HIPK2: variants seen among roughly 807,000 people sequenced by gnomAD.
HIPK2 encodes the protein homeodomain-interacting protein kinase 2.
A neutral mutation model predicts 113.7 loss-of-function variants in HIPK2; 27 were observed. The observed-to-expected ratio is 0.24, with a 90% CI of 0.17 to 0.33. HIPK2 has a LOEUF of 0.33. Among genes scored for constraint, HIPK2 ranks in the 10% least tolerant of loss-of-function variants. HIPK2 has a pLI of 1.00. For missense variants in HIPK2, 1,257 were observed against 1,588.0 expected (o/e 0.79, Z 3.54); for synonymous variants, 631 against 642.2 (o/e 0.98, Z 0.26).
chr7:139,671,126 C>G (rs1486538053), intron 2 of HIPK2, among the ~76,000 whole-genome samples: 1 of 152,110 alleles, frequency 6.6e-6, no homozygotes, highest in Non-Finnish European at 1.5e-5. Context: ...AAAAATAACA[C>G]TTTAAAACTC....
At chr7:139,745,472 C>T (rs576872891) in intron 1 of HIPK2, among the ~76,000 whole-genome samples, 2 of 152,150 alleles carry the variant, frequency 1.3e-5, no homozygotes, top group Admixed American at 6.5e-5. Context: ...AAGCTGAAGC[C>T]GGATTATTTC....
At chr7:139,734,399 T>C (rs1300912027) in intron 1 of HIPK2, among the ~76,000 whole-genome samples, 1 of 152,166 alleles carries the variant, frequency 6.6e-6, no homozygotes, top group African/African-American at 2.4e-5. Flanking sequence ...CGCAAATCAC[T>C]CTCTGGTGAC....
intron 7 of HIPK2, among the ~76,000 whole-genome samples, chr7:139,615,195 G>A (rs899243450): frequency 1.3e-5 from 2 of 152,246 alleles, no homozygotes; most frequent in African/African-American, 4.8e-5. Context: ...GAGCAGGGCC[G>A]AGGAGGGGCT....
At chr7:139,650,809 C>G (rs944925233) in intron 2 of HIPK2, among the ~76,000 whole-genome samples, 2 of 152,236 alleles carry the variant, frequency 1.3e-5, no homozygotes, top group Non-Finnish European at 2.9e-5. Flanking sequence ...CTCTGGCCAA[C>G]AGCCAGCTCT....
chr7:139,729,229 G>A (rs898351491), intron 1 of HIPK2, among the ~76,000 whole-genome samples: 1 of 152,020 alleles, frequency 6.6e-6, no homozygotes. Flanking sequence ...GGAGGCTGAG[G>A]TGGGAGGATC....
At chr7:139,582,708 A>T (rs1163113046) in intron 13 of HIPK2, among the ~76,000 whole-genome samples, 1 of 152,220 alleles carries the variant, frequency 6.6e-6, no homozygotes. Flanking sequence ...GGCTGTCACC[A>T]TCTCCCCTTT....
intron 2 of HIPK2, among the ~76,000 whole-genome samples, chr7:139,684,921 C>T (rs1157770720): frequency 6.6e-6 from 1 of 152,220 alleles, no homozygotes; most frequent in Non-Finnish European, 1.5e-5. Flanking sequence ...AGCCACAACA[C>T]TCCCTTCAGC....
intron 2 of HIPK2, among the ~76,000 whole-genome samples, chr7:139,685,180 T>C (rs761044200): frequency 6.6e-6 from 1 of 152,190 alleles, no homozygotes; most frequent in Non-Finnish European, 1.5e-5. Flanking sequence ...CAGATTTTCT[T>C]TTTTGTTTGA....
At position 139,613,461 on chromosome 7, in the gene HIPK2, G is replaced by A; in HGVS notation, c.1991-138C>T. The A allele has an allele frequency of 9.9e-7, 1 of 1,005,556 alleles. No homozygotes were observed. Among genetic ancestry groups the A allele is most frequent in the Non-Finnish European group, 1.4e-6 (1 of 706,636 alleles). 62.3% of individuals were successfully genotyped at this position (1,005,556 alleles called of 1,614,324 possible). On this transcript the variant is annotated intron_variant, in intron 8 of 14. Coordinates refer to ENST00000406875, the MANE Select transcript of HIPK2 (RefSeq NM_022740.5). This position sits in a 1 kb window ranked among gnomAD's most constrained non-coding sequence, Gnocchi z 4.2. ...CACTGACAACAACCAGGTATTGCCTGGTCCTTGGAAGTCTCCCCTTTGGCT... is the reference window on the plus strand; with the variant it reads ...CACTGACAACAACCAGGTATTGCCTAGTCCTTGGAAGTCTCCCCTTTGGCT...
chr7:139,632,070 A>T (rs1234686118), intron 2 of HIPK2, among the ~76,000 whole-genome samples: 1 of 152,252 alleles, frequency 6.6e-6, no homozygotes, highest in Non-Finnish European at 1.5e-5. Context: ...TTTGTAGCTG[A>T]AAGTCTGGGA....
chr7:139,622,184 G>A (rs1300465281), intron 6 of HIPK2, among the ~76,000 whole-genome samples: 3 of 152,138 alleles, frequency 2.0e-5, no homozygotes, highest in Middle Eastern at 3.2e-3. Context: ...ACTGAGACGC[G>A]ACTTAGAGAG....
chr7:139,704,562 C>G (rs950540341), intron 2 of HIPK2, among the ~76,000 whole-genome samples: 157 of 151,828 alleles, frequency 1.0e-3, no homozygotes, highest in African/African-American at 3.6e-3. Flanking sequence ...CATATACATA[C>G]CCCATGTGAA....
chr7:139,595,733 T>A (rs1046188145), intron 12 of HIPK2, among the ~76,000 whole-genome samples: 3 of 152,220 alleles, frequency 2.0e-5, no homozygotes, highest in African/African-American at 7.2e-5. Context: ...TTTTCATCAG[T>A]CTATCTATAC....
intron 2 of HIPK2, among the ~76,000 whole-genome samples, chr7:139,679,166 C>T (rs28508100): frequency 0.018 from 2,811 of 152,186 alleles, 77 homozygotes; most frequent in African/African-American, 0.062. Context: ...TTTCTCTTGC[C>T]GGATTGCCCT....
intron 2 of HIPK2, among the ~76,000 whole-genome samples, chr7:139,689,868 G>C (rs73733185): frequency 0.024 from 3,620 of 152,224 alleles, 150 homozygotes; most frequent in African/African-American, 0.083. Flanking sequence ...ACAGGAGAGC[G>C]GCAGAGCTTC....
At chr7:139,724,515 G>A (rs901769938) in intron 1 of HIPK2, among the ~76,000 whole-genome samples, 1 of 152,048 alleles carries the variant, frequency 6.6e-6, no homozygotes, top group Non-Finnish European at 1.5e-5. Context: ...TCAACCACAA[G>A]CTCTACAGAA....
At chr7:139,686,568 AG>A (rs911657396) in intron 2 of HIPK2, among the ~76,000 whole-genome samples, 8 of 152,212 alleles carry the variant, frequency 5.3e-5, no homozygotes, top group Non-Finnish European at 1.0e-4. Flanking sequence ...TGGTTTTATA[AG>A]GGGCTTTCCT....
intron 12 of HIPK2, among the ~76,000 whole-genome samples, chr7:139,592,170 GTAAC>G (rs1799049928): frequency 6.6e-6 from 1 of 152,166 alleles, no homozygotes; most frequent in African/African-American, 2.4e-5. Flanking sequence ...AGTGAGCTAA[GTAAC>G]TGTTTTTATA....
intron 2 of HIPK2, among the ~76,000 whole-genome samples, chr7:139,658,541 T>C (rs1435765005): frequency 2.6e-5 from 4 of 152,182 alleles, no homozygotes; most frequent in African/African-American, 9.6e-5. Context: ...ATTTTCTCCA[T>C]AGAAACTAAT....
Sources: allele counts gnomAD v4.1 joint callset (sites outside exome capture counted in the v4.1 genomes callset), GRCh38; gene constraint gnomAD v4.1.1; non-coding constraint Gnocchi (gnomAD v3.1); transcripts MANE v1.5; gene names NCBI Gene and HGNC (gene_info 2026-07-23, HGNC 2026-07-21).